Variants in STPG2 observed in about 807,000 individuals in gnomAD.
STPG2 encodes sperm-tail PG-rich repeat-containing protein 2.
STPG2 carries 56 observed loss-of-function variants against 54.2 expected under a neutral mutation model. The observed-to-expected ratio is 1.03, with a 90% CI of 0.83 to 1.29. STPG2 has a LOEUF of 1.29. Ranked by LOEUF, STPG2 falls within the 50% of genes most tolerant of loss-of-function variation. The probability of loss-of-function intolerance (pLI) is 0.00; values close to 1 mark genes in which losing one functional copy is unlikely to be tolerated. For missense variants in STPG2, 596 were observed against 544.9 expected (o/e 1.09, Z -0.93); for synonymous variants, 200 against 181.8 (o/e 1.10, Z -0.81).
At chr4:97,856,761 G>T (rs1421138288) in intron 8 of STPG2, among the ~76,000 whole-genome samples, 1 of 152,086 alleles carries the variant, frequency 6.6e-6, no homozygotes, top group Non-Finnish European at 1.5e-5. Context: ...ATGCTTCCAG[G>T]TTTTGTTCAT....
intron 8 of STPG2, among the ~76,000 whole-genome samples, chr4:97,852,350 C>A (rs958046161): frequency 6.6e-5 from 10 of 152,136 alleles, no homozygotes; most frequent in African/African-American, 2.4e-4. Flanking sequence ...GGTAGTGCTA[C>A]TAAAATACCA....
intron 7 of STPG2, among the ~76,000 whole-genome samples, chr4:97,960,673 A>G (rs1475038565): frequency 1.3e-5 from 2 of 152,136 alleles, no homozygotes; most frequent in Non-Finnish European, 2.9e-5. Flanking sequence ...GAAAACTACA[A>G]AACACTGCTG....
intron 10 of STPG2, among the ~76,000 whole-genome samples, chr4:97,634,209 GA>G (rs1370520311): frequency 6.6e-6 from 1 of 152,098 alleles, no homozygotes; most frequent in Non-Finnish European, 1.5e-5. Flanking sequence ...CCCTAACTGG[GA>G]GGCACCCTCC....
chr4:97,897,786 T>C (rs926450371), intron 8 of STPG2, among the ~76,000 whole-genome samples: 9 of 152,234 alleles, frequency 5.9e-5, no homozygotes, highest in African/African-American at 1.9e-4. Flanking sequence ...TTTAAGTTCC[T>C]TATAGATGCT....
chr4:97,536,291 TA>T (rs1468894641), intron 4 of STPG2, among the ~76,000 whole-genome samples: 1 of 152,160 alleles, frequency 6.6e-6, no homozygotes, highest in African/African-American at 2.4e-5. Flanking sequence ...GAATTTGTAA[TA>T]CCATGTCAAG....
intron 9 of STPG2, among the ~76,000 whole-genome samples, chr4:97,763,747 A>C (rs1450477194): frequency 1.3e-5 from 2 of 152,150 alleles, no homozygotes; most frequent in Non-Finnish European, 2.9e-5. Flanking sequence ...CAGCAAGGGG[A>C]ATTCATTCCA....
At chr4:97,454,323 C>T (rs866574172) in intron 4 of STPG2, among the ~76,000 whole-genome samples, 1 of 150,638 alleles carries the variant, frequency 6.6e-6, no homozygotes, top group Non-Finnish European at 1.5e-5. Flanking sequence ...ACCATCCTGG[C>T]TAACAAGGTG....
intron 4 of STPG2, among the ~76,000 whole-genome samples, chr4:97,461,326 G>A (rs1256035208): frequency 2.0e-5 from 3 of 152,080 alleles, no homozygotes; most frequent in African/African-American, 7.2e-5. Flanking sequence ...GCTATGGTCA[G>A]AATGTTTGTG....
chr4:97,451,672 G>A (rs1199119407), intron 4 of STPG2, among the ~76,000 whole-genome samples: 1 of 152,074 alleles, frequency 6.6e-6, no homozygotes, highest in African/African-American at 2.4e-5. Context: ...GTGAAAAGGA[G>A]TGATCTATTC....
At chr4:97,467,736 C>G (rs1729822907) in intron 4 of STPG2, among the ~76,000 whole-genome samples, 2 of 151,704 alleles carry the variant, frequency 1.3e-5, no homozygotes, top group South Asian at 4.1e-4. Context: ...ACAGAGTAGG[C>G]TAATGCAAAA....
At chr4:97,487,108 T>C (rs902525203) in intron 4 of STPG2, among the ~76,000 whole-genome samples, 17 of 148,132 alleles carry the variant, frequency 1.1e-4, no homozygotes, top group African/African-American at 4.2e-4. Context: ...AGGGTGGGAG[T>C]AGGGGGAGGG....
intron 3 of STPG2, among the ~76,000 whole-genome samples, chr4:98,119,837 T>C (rs1181885786): frequency 2.0e-5 from 3 of 152,172 alleles, no homozygotes; most frequent in Admixed American, 6.5e-5. Flanking sequence ...CATGTTGTGT[T>C]TGGACTTCTG....
chr4:98,027,024 G>C (rs1404937745), intron 5 of STPG2, among the ~76,000 whole-genome samples: 1 of 152,044 alleles, frequency 6.6e-6, no homozygotes, highest in Non-Finnish European at 1.5e-5. Context: ...GTGCCCTCTG[G>C]ACCACATGAG....
chr4:98,053,027 T>C (rs902121463), intron 5 of STPG2, among the ~76,000 whole-genome samples: 2 of 152,086 alleles, frequency 1.3e-5, no homozygotes, highest in Non-Finnish European at 2.9e-5. Context: ...TTGAGGAATA[T>C]AAAAGGACTG....
intron 4 of STPG2, among the ~76,000 whole-genome samples, chr4:97,485,599 T>A (rs1400128389): frequency 6.6e-6 from 1 of 151,860 alleles, no homozygotes; most frequent in Non-Finnish European, 1.5e-5. Flanking sequence ...CATGGATGGA[T>A]AGAATCCAAT....
chr4:97,679,360 A>C (rs1175931286), intron 10 of STPG2, among the ~76,000 whole-genome samples: 2 of 151,816 alleles, frequency 1.3e-5, no homozygotes, highest in African/African-American at 4.8e-5. Flanking sequence ...TTTGATTTGC[A>C]TTTCTCTGAT....
chr4:97,996,002 C>T (rs1226641246), intron 5 of STPG2, among the ~76,000 whole-genome samples: 5 of 152,118 alleles, frequency 3.3e-5, no homozygotes, highest in African/African-American at 9.7e-5. Context: ...GTTAAAATAG[C>T]CATACTGCCC....
intron 10 of STPG2, among the ~76,000 whole-genome samples, chr4:97,568,900 GTTTTT>G (rs70953073): frequency 7.0e-6 from 1 of 143,746 alleles, no homozygotes; most frequent in Non-Finnish European, 1.5e-5. Flanking sequence ...TTTTTGTTTT[GTTTTT>G]TTTTTTGTTT....
intron 10 of STPG2, among the ~76,000 whole-genome samples, chr4:97,565,992 C>T (rs999384708): frequency 6.6e-6 from 1 of 152,136 alleles, no homozygotes; most frequent in South Asian, 2.1e-4. Flanking sequence ...TTTAAGTCTG[C>T]GGAGGTTACT....
Sources: allele counts gnomAD v4.1 joint callset (sites outside exome capture counted in the v4.1 genomes callset), GRCh38; gene constraint gnomAD v4.1.1; transcripts MANE v1.5; gene names NCBI Gene and HGNC (gene_info 2026-07-23, HGNC 2026-07-21).